Variants in TUBB3 observed in about 807,000 individuals in gnomAD.
The protein encoded by TUBB3 is tubulin beta-3 chain.
Under a neutral mutation model 37.8 loss-of-function variants are expected in TUBB3, and 17 were observed. The ratio of observed to expected loss-of-function variants is 0.45; its 90% CI spans 0.31 to 0.67. TUBB3 has a LOEUF of 0.67. TUBB3 is among the 30% of genes least tolerant of loss of function. The pLI is 0.07. For synonymous variants in TUBB3, 332 were observed against 278.9 expected (o/e 1.19, Z -1.90); for missense variants, 262 against 657.9 (o/e 0.40, Z 6.58).
At chr16:89,929,114 T>C (rs2030191482) in intron 1 of TUBB3, among the ~76,000 whole-genome samples, 2 of 151,748 alleles carry the variant, frequency 1.3e-5, no homozygotes, top group Admixed American at 6.6e-5. Flanking sequence ...AGGTGCGCGC[T>C]ACCACGCCCG....
intron 1 of TUBB3, among the ~76,000 whole-genome samples, chr16:89,925,036 G>T (rs1031488244): frequency 1.3e-5 from 2 of 152,074 alleles, no homozygotes; most frequent in African/African-American, 4.8e-5. Context: ...CCCACCTGGG[G>T]TTTCTCCTTC....
chr16:89,923,509 G>A (rs1193280926), intron 1 of TUBB3, 51 bp downstream of exon 1: 1 of 1,369,260 alleles, frequency 7.3e-7, no homozygotes. Flanking sequence ...GGAGGAGGGA[G>A]GCGCCGTGCC....
At chr16:89,924,381 C>G (rs1262084096) in intron 1 of TUBB3, among the ~76,000 whole-genome samples, 1 of 152,140 alleles carries the variant, frequency 6.6e-6, no homozygotes, top group Non-Finnish European at 1.5e-5. Context: ...CCTGCAGGAG[C>G]CAACCTGGGG....
At position 89,923,449 on chromosome 16, in the gene TUBB3, C is replaced by T. The variant is rs1432450375; in HGVS notation, c.48C>T (p.Ile16=). The T allele has an allele frequency of 6.6e-7, 1 of 1,511,254 alleles. No individual in the cohort carries two copies. Among genetic ancestry groups the T allele is most frequent in the Non-Finnish European group, 8.9e-7 (1 of 1,129,622 alleles). The allele number at this position is 1,511,254 out of a possible 1,614,324, so 93.6% of individuals were successfully genotyped here. ...AGGCCGGCCAGTGCGGCAACCAGAT[C>T]GGGGCCAAGGTGAGGCTGCGCGCCC... is the stretch of plus-strand genomic sequence containing the variant. ...HIQAGQCGNQ[I]GAKFWEVISD... The change falls in exon 1 of 4, where the codon ATC becomes ATT. Residue 16 remains isoleucine (I), a synonymous_variant. Transcript: ENST00000315491.
At chr16:89,932,068 C>G (rs1198329997) in intron 1 of TUBB3, 1 of 288,414 alleles carries the variant, frequency 3.5e-6, no homozygotes, top group African/African-American at 2.2e-5. Context: ...GGCACCATCA[C>G]TGGACATGGT....
Position 89,935,838 on chromosome 16 carries a change from G to A in TUBB3, c.*34G>A, listed in dbSNP as rs778049782. 1.1e-5 allele frequency: 18 copies of A among 1,595,676 alleles called. No homozygotes were observed. Among genetic ancestry groups the A allele is most frequent in the African/African-American group, 6.7e-5 (5 of 74,406 alleles). On this transcript the variant is annotated 3_prime_UTR_variant, in exon 4 of 4. Coordinates refer to ENST00000315491, the MANE Select transcript of TUBB3 (RefSeq NM_006086.4). ...GCAGCTGGAGTGAGAGGCAGGTGGCGGCCGGGGCCGAAGCCAGCAGTGTCT... is the reference window on the plus strand; with the variant it reads ...GCAGCTGGAGTGAGAGGCAGGTGGCAGCCGGGGCCGAAGCCAGCAGTGTCT...
intron 1 of TUBB3, among the ~76,000 whole-genome samples, chr16:89,926,885 T>C (rs1333396727): frequency 6.6e-6 from 1 of 151,944 alleles, no homozygotes; most frequent in Non-Finnish European, 1.5e-5. Flanking sequence ...ACCTGGCTTA[T>C]TTTGTACTTT....
intron 3 of TUBB3, 86 bp from the exon 4 acceptor site, chr16:89,934,621 ACAGGCATGGGGCTGCCACGGCT>A: frequency 1.8e-6 from 2 of 1,110,800 alleles, no homozygotes; most frequent in South Asian, 2.8e-5. Context: ...AGAAGACAGA[ACAGGCATGGGGCTGCCACGGCT>A]GCCCTTGGGA....
rs755733146 is a variant in TUBB3 at position 89,923,352 on chromosome 16, A to AGCCCG, written c.-44_-40dup. 2 of 1,424,694 alleles carry AGCCCG rather than the reference A, an allele frequency of 1.4e-6. No homozygotes were observed. Among genetic ancestry groups the AGCCCG allele is most frequent in the Non-Finnish European group, 1.9e-6 (2 of 1,081,016 alleles). 88.3% of individuals were successfully genotyped at this position (1,424,694 alleles called of 1,614,324 possible). On this transcript the variant is annotated 5_prime_UTR_variant, in exon 1 of 4. Coordinates refer to ENST00000315491, the MANE Select transcript of TUBB3 (RefSeq NM_006086.4). ...CCGCGGTCCCCGACCCTCAGCAGCCAGCCCGGCCCGCCCGCGCCCGTCCGC... is the reference window on the plus strand; with the variant it reads ...CCGCGGTCCCCGACCCTCAGCAGCCAGCCCGGCCCGGCCCGCCCGCGCCCGTCCGC...
chr16:89,931,803 G>C (rs912630922), intron 1 of TUBB3: 18 of 370,360 alleles, frequency 4.9e-5, no homozygotes, highest in African/African-American at 3.4e-4. Flanking sequence ...CTCGGCAGCT[G>C]TCATGGGAGC....
At chr16:89,922,369 C>T (rs549458480), upstream of TUBB3, 2 of 152,498 alleles carry the variant, frequency 1.3e-5, no homozygotes, top group Admixed American at 1.3e-4. Context: ...TATCAGAAGG[C>T]CCTTGTTCTA....
intron 1 of TUBB3, among the ~76,000 whole-genome samples, chr16:89,930,769 A>G (rs2030252771): frequency 6.6e-6 from 1 of 150,896 alleles, no homozygotes; most frequent in South Asian, 2.1e-4. Flanking sequence ...CATGCTTGCT[A>G]CCACCCAGTC....
At chr16:89,923,485 CG>C (rs2144399352) in intron 1 of TUBB3, 27 bp downstream of exon 1, 2 of 1,425,762 alleles carry the variant, frequency 1.4e-6, no homozygotes, top group African/African-American at 1.5e-5. Flanking sequence ...CGGCCTGTCC[CG>C]GGCCCCGGGG....
intron 3 of TUBB3, chr16:89,933,862 A>T (rs1336660788): frequency 7.1e-5 from 49 of 687,646 alleles, no homozygotes; most frequent in Non-Finnish European, 2.9e-5. Context: ...GGGCCTCCAG[A>T]GGACTCCGGG....
chr16:89,928,183 T>A (rs1486571580), intron 1 of TUBB3, among the ~76,000 whole-genome samples: 2 of 152,012 alleles, frequency 1.3e-5, no homozygotes, highest in Non-Finnish European at 2.9e-5. Context: ...GCCTCCTGAG[T>A]AGCTGGGGCT....
intron 1 of TUBB3, among the ~76,000 whole-genome samples, chr16:89,925,870 C>G (rs1018398883): frequency 7.9e-5 from 12 of 152,206 alleles, no homozygotes; most frequent in Non-Finnish European, 8.8e-5. Context: ...AGGCCGGGAG[C>G]AAAGCCGGGT....
Position 89,932,672 on chromosome 16 carries a change from G to A in TUBB3, c.159G>A (p.Glu53=). 1 of 1,613,788 alleles carries A rather than the reference G, an allele frequency of 6.2e-7. No individual in the cohort carries two copies. Among genetic ancestry groups the A allele is most frequent in the Non-Finnish European group, 8.5e-7 (1 of 1,179,846 alleles). Residue 53 remains glutamate, a synonymous_variant, in exon 2 of 4, where the codon GAG becomes GAA. Coordinates refer to ENST00000315491, the MANE Select transcript of TUBB3 (RefSeq NM_006086.4). ...AGCGGATCAGCGTCTACTACAACGA[G>A]GCCTCTTGTGAGTGCCTGCCCCAGC... is the stretch of plus-strand genomic sequence containing the variant. ...QLERISVYYN[E]ASSHKYVPRA... is the part of the protein sequence containing the mutation.
intron 1 of TUBB3, among the ~76,000 whole-genome samples, chr16:89,927,810 C>T (rs993657016): frequency 2.0e-5 from 3 of 152,246 alleles, no homozygotes; most frequent in African/African-American, 7.2e-5. Flanking sequence ...TGCTCCATTG[C>T]TCCTGCTGCC....
chr16:89,935,438 G>C lies in TUBB3; in HGVS notation c.987G>C (p.Gln329His). Reference sequence around the variant, plus strand: ...TGTCCATGAAGGAGGTGGACGAGCAGATGCTGGCCATCCAGAGCAAGAACA... The same window carrying C: ...TGTCCATGAAGGAGGTGGACGAGCACATGCTGGCCATCCAGAGCAAGAACA... ...GRMSMKEVDE[Q>H]MLAIQSKNSS... The change falls in exon 4 of 4, where the codon CAG becomes CAC. Residue 329 changes from glutamine (Q) to histidine (H), a missense_variant. Gln to His is a conservative substitution (Grantham distance 24). Around this residue, in one of 3 missense-constraint regions of TUBB3, gnomAD observed 165 missense variants for 556.8 expected, o/e 0.30. Transcript: ENST00000315491. 1.9e-6 allele frequency: 3 copies of C among 1,614,230 alleles called. No homozygotes were observed. The highest frequency in any genetic ancestry group is 2.5e-6 in the Non-Finnish European group (3 of 1,180,048).
Sources: gnomAD v4.1 joint callset for allele counts (sites outside exome capture counted in the v4.1 genomes callset) on GRCh38, gnomAD v4.1.1 for gene constraint, gnomAD v4.1.1 regional missense constraint, MANE v1.5 for transcripts, NCBI Gene and HGNC (gene_info 2026-07-23, HGNC 2026-07-21) for gene names.